The following FNBP1 variants were observed in gnomAD, a reference collection of about 807,000 sequenced individuals.
FNBP1 encodes formin binding protein 1, also known as formin-binding protein 1.
FNBP1 carries 26 observed loss-of-function variants against 90.6 expected under a neutral mutation model. The observed-to-expected ratio is 0.29, with a 90% confidence interval of 0.21 to 0.40. The LOEUF is 0.40. FNBP1 is among the 10% of genes least tolerant of loss of function. FNBP1 has a pLI of 1.00. For missense variants in FNBP1, 635 were observed against 768.0 expected, an observed-to-expected ratio of 0.83 and a Z score of 2.05; for synonymous variants, 260 against 265.2, an observed-to-expected ratio of 0.98 and a Z score of 0.19.
intron 4 of FNBP1, among the ~76,000 whole-genome samples, chr9:129,960,389 A>G (rs1474680427): frequency 6.8e-6 from 1 of 147,072 alleles, no homozygotes; most frequent in African/African-American, 2.5e-5. Flanking sequence ...ATCTCAAAAA[A>G]AAAAAAAAAA....
chr9:129,958,614 G>A, intron 4 of FNBP1, 61 bp from the exon 5 acceptor site: 6 of 1,326,844 alleles, frequency 4.5e-6, no homozygotes, highest in Non-Finnish European at 6.3e-6. Context: ...AACCCAGGAG[G>A]AAACATTTTC....
chr9:129,990,692 T>C (rs1479751044), intron 2 of FNBP1, among the ~76,000 whole-genome samples: 2 of 152,024 alleles, frequency 1.3e-5, no homozygotes, highest in Non-Finnish European at 2.9e-5. Flanking sequence ...TCTGTAGAAA[T>C]CAGGGAATAG....
chr9:129,982,211 G>A (rs1024630763), intron 2 of FNBP1, among the ~76,000 whole-genome samples: 2 of 152,214 alleles, frequency 1.3e-5, no homozygotes, highest in Non-Finnish European at 2.9e-5. Flanking sequence ...GGTGGCTCAT[G>A]CCTGTAATCC....
intron 10 of FNBP1, chr9:129,918,998 C>CTTTTT (rs5900875): frequency 5.2e-5 from 8 of 153,336 alleles, no homozygotes; most frequent in South Asian, 2.9e-4. Flanking sequence ...TTAGGCTTTT[C>CTTTTT]TTTTTTTTTT....
chr9:129,958,985 C>CAAAAAAAAAAAAAAAAAAAAAAAA lies in FNBP1; in HGVS notation c.346-433_346-432insTTTTTTTTTTTTTTTTTTTTTTTT. Among the ~76,000 whole-genome samples the CAAAAAAAAAAAAAAAAAAAAAAAA allele has an allele frequency of 4.9e-3, 45 of 9,152 alleles. 5 individuals carry two copies. Among genetic ancestry groups the CAAAAAAAAAAAAAAAAAAAAAAAA allele is most frequent in the South Asian group, 0.033 (3 of 90 alleles). 6.0% of individuals were successfully genotyped at this position (9,152 alleles called of 152,430 possible). ...TGGATGACACAGTGAAACTCTGCCT[C>CAAAAAAAAAAAAAAAAAAAAAAAA]AAAAAAAAAAAAAAAAAAAAAAGGA... is the stretch of plus-strand genomic sequence containing the variant. On this transcript the variant is annotated intron_variant, in intron 4 of 16. Transcript: ENST00000446176.
At chr9:129,935,770 A>C (rs1208819038) in intron 6 of FNBP1, among the ~76,000 whole-genome samples, 2 of 152,158 alleles carry the variant, frequency 1.3e-5, no homozygotes, top group African/African-American at 4.8e-5. Flanking sequence ...TATAGGCATG[A>C]GCCACCGCGC....
chr9:129,906,126 G>A (rs926655933), intron 12 of FNBP1, among the ~76,000 whole-genome samples: 4 of 151,758 alleles, frequency 2.6e-5, no homozygotes, highest in African/African-American at 9.7e-5. Context: ...CAGGTGATCT[G>A]CCTGCCTCAG....
chr9:129,982,419 T>TG, intron 2 of FNBP1, among the ~76,000 whole-genome samples: 1 of 151,874 alleles, frequency 6.6e-6, no homozygotes, highest in Middle Eastern at 3.4e-3. Context: ...TGCAGTGAGC[T>TG]GAGACTGTGC....
At chr9:129,951,084 G>T (rs575686753) in intron 6 of FNBP1, among the ~76,000 whole-genome samples, 2 of 151,290 alleles carry the variant, frequency 1.3e-5, no homozygotes, top group Non-Finnish European at 2.9e-5. Context: ...CGATTCTCGA[G>T]TAGCTGGGAT....
At chr9:130,034,362 G>A (rs914097949) in intron 1 of FNBP1, among the ~76,000 whole-genome samples, 1 of 150,908 alleles carries the variant, frequency 6.6e-6, no homozygotes, top group African/African-American at 2.4e-5. Context: ...GTACACCTGT[G>A]GTCCCAGCTA....
intron 6 of FNBP1, among the ~76,000 whole-genome samples, chr9:129,938,088 G>C (rs1452572724): frequency 6.6e-6 from 1 of 152,096 alleles, no homozygotes; most frequent in Non-Finnish European, 1.5e-5. Context: ...ACTTGAACCT[G>C]GGAGGCAGAG....
chr9:130,008,433 TGAAGAG>T (rs2056114061), intron 1 of FNBP1, among the ~76,000 whole-genome samples: 1 of 152,182 alleles, frequency 6.6e-6, no homozygotes, highest in Admixed American at 6.5e-5. Flanking sequence ...TCAAATAACT[TGAAGAG>T]GAAAAGTATT....
At chr9:129,955,080 G>A (rs2046721188) in intron 6 of FNBP1, among the ~76,000 whole-genome samples, 1 of 152,052 alleles carries the variant, frequency 6.6e-6, no homozygotes, top group African/African-American at 2.4e-5. Flanking sequence ...CCACAATGAT[G>A]ACTCAGCAAA....
chr9:129,918,524 G>A (rs1193896283), intron 10 of FNBP1, among the ~76,000 whole-genome samples: 1 of 152,166 alleles, frequency 6.6e-6, no homozygotes, highest in Non-Finnish European at 1.5e-5. Flanking sequence ...ATGTGTTATT[G>A]GACAGTCACA....
intron 7 of FNBP1, among the ~76,000 whole-genome samples, chr9:129,928,172 CAT>C (rs536881019): frequency 1.3e-5 from 2 of 152,150 alleles, no homozygotes; most frequent in African/African-American, 4.8e-5. Flanking sequence ...AATGGAAGAA[CAT>C]ATGTCTATCT....
At chr9:130,043,699 AC>A (rs1271506410), upstream of FNBP1, among the ~76,000 whole-genome samples, 9 of 152,168 alleles carry the variant, frequency 5.9e-5, no homozygotes, top group Non-Finnish European at 1.2e-4. Context: ...GCGAATAGAG[AC>A]GTCGAGGCAA....
intron 10 of FNBP1, among the ~76,000 whole-genome samples, chr9:129,918,684 C>T (rs542867280): frequency 1.1e-4 from 17 of 152,246 alleles, no homozygotes; most frequent in African/African-American, 3.9e-4. Context: ...CCTTATGGAT[C>T]CATTTGTTAC....
chr9:129,899,827 G>A, intron 15 of FNBP1, 138 bp downstream of exon 15: 2 of 663,702 alleles, frequency 3.0e-6, no homozygotes, highest in Non-Finnish European at 4.7e-6. Context: ...GAAGGGGAAG[G>A]GAAGGTAGGA....
intron 6 of FNBP1, among the ~76,000 whole-genome samples, chr9:129,955,679 C>T (rs1445134876): frequency 1.3e-5 from 2 of 151,732 alleles, no homozygotes; most frequent in East Asian, 3.9e-4. Context: ...CAAGATCACA[C>T]CACTGCACTC....
Sources: allele counts gnomAD v4.1 joint callset (sites outside exome capture counted in the v4.1 genomes callset), GRCh38; gene constraint gnomAD v4.1.1; transcripts MANE v1.5; gene names NCBI Gene and HGNC (gene_info 2026-07-23, HGNC 2026-07-21).